UBR1: variants seen among roughly 807,000 people sequenced by gnomAD.
The protein encoded by UBR1 is E3 ubiquitin-protein ligase UBR1.
Under a neutral mutation model 242.1 loss-of-function variants are expected in UBR1, and 102 were observed. The ratio of observed to expected loss-of-function variants is 0.42; its 90% CI spans 0.36 to 0.50. The LOEUF is 0.50. UBR1 is among the 20% of genes least tolerant of loss of function. The pLI, the probability that UBR1 is intolerant of heterozygous loss-of-function variation, is 0.01. For synonymous variants in UBR1, 675 were observed against 684.8 expected, an observed-to-expected ratio of 0.99 and a Z score of 0.22; for missense variants, 1,772 against 2,101.8, an observed-to-expected ratio of 0.84 and a Z score of 3.07.
At chr15:43,017,222 T>C (rs753721270) in intron 27 of UBR1, 41 bp from the exon 28 acceptor site, 2 of 1,397,948 alleles carry the variant, frequency 1.4e-6, no homozygotes, top group East Asian at 2.3e-5. Context: ...TTAGTTAGAC[T>C]GTTAGACCGA....
intron 15 of UBR1, among the ~76,000 whole-genome samples, chr15:43,039,661 A>G (rs959008571): frequency 6.6e-6 from 1 of 152,142 alleles, no homozygotes; most frequent in African/African-American, 2.4e-5. Context: ...CTAACTGAAT[A>G]CACTTTATTT....
At position 42,950,362 on chromosome 15, in the gene UBR1, T is replaced by G. The variant is rs1274902485; in HGVS notation, c.5008A>C (p.Ile1670Leu). 6.2e-7 allele frequency: 1 copy of G among 1,613,578 alleles called. No individual in the cohort carries two copies. The highest frequency in any genetic ancestry group is 1.7e-5 in the Admixed American group (1 of 60,028). ...ACCAGGACCACTCGGCATTCTCTGA[T>G]TCTGAAAGAGAAAATCAATAGGAAA... is the stretch of plus-strand genomic sequence containing the variant. ...CGAGVCIFLK[I>L]RECRVVLVEG... Residue 1670 changes from isoleucine to leucine, a missense_variant and splice_region_variant, in exon 46 of 47, where the codon ATC becomes CTC. Transcript: ENST00000290650.
intron 28 of UBR1, among the ~76,000 whole-genome samples, chr15:43,016,307 T>C (rs1412713467): frequency 6.6e-6 from 1 of 152,218 alleles, no homozygotes; most frequent in Non-Finnish European, 1.5e-5. Flanking sequence ...ATTTGGTGCA[T>C]GTTAATTTTC....
At chr15:42,992,004 A>T (rs2032563719) in intron 33 of UBR1, among the ~76,000 whole-genome samples, 1 of 152,080 alleles carries the variant, frequency 6.6e-6, no homozygotes, top group African/African-American at 2.4e-5. Flanking sequence ...TTCCTGCCTG[A>T]ACCTCCCACA....
chr15:43,105,903 CG>C, intron 1 of UBR1, 38 bp downstream of exon 1: 1 of 1,570,120 alleles, frequency 6.4e-7, no homozygotes, highest in Non-Finnish European at 8.8e-7. Context: ...AGGGAGGGAC[CG>C]GGGGGAGGAC....
At chr15:43,075,585 C>A (rs1260241917) in intron 3 of UBR1, among the ~76,000 whole-genome samples, 2 of 152,006 alleles carry the variant, frequency 1.3e-5, no homozygotes, top group Non-Finnish European at 2.9e-5. Flanking sequence ...GCTATCCCTC[C>A]CCACTCCCCC....
In UBR1 at chr15:43,090,675, T is replaced by C. The variant is rs2034095852; in HGVS notation, c.82-4435A>G. On this transcript the variant is annotated intron_variant, in intron 1 of 46. Coordinates refer to ENST00000290650, the MANE Select transcript of UBR1 (RefSeq NM_174916.3). The stretch of plus-strand genomic sequence containing the variant: ...CAAACCAAACAAAAAATCTTACTGT[T>C]CTACTTAATTATAAGAGGCACAGAA... 2.0e-5 allele frequency among the ~76,000 whole-genome samples: 3 copies of C among 151,862 alleles called. No homozygotes were observed. In the South Asian group the frequency reaches 6.2e-4, roughly 31 times the overall value.
At chr15:42,971,295 G>A (rs2032203651) in intron 39 of UBR1, among the ~76,000 whole-genome samples, 2 of 152,106 alleles carry the variant, frequency 1.3e-5, no homozygotes, top group Admixed American at 1.3e-4. Context: ...CAAGCAAAGG[G>A]TCCCATAAAG....
intron 35 of UBR1, 40 bp from the exon 36 acceptor site, chr15:42,984,982 T>A: frequency 7.1e-7 from 1 of 1,399,382 alleles, no homozygotes; most frequent in Non-Finnish European, 1.0e-6. Flanking sequence ...AAATCCTGAA[T>A]AGTGCTATAA....
intron 6 of UBR1, among the ~76,000 whole-genome samples, chr15:43,060,470 C>T (rs2033670103): frequency 6.6e-6 from 1 of 152,138 alleles, no homozygotes; most frequent in East Asian, 1.9e-4. Flanking sequence ...TGAATGAATT[C>T]ACAGCTCTTC....
At chr15:43,072,213 A>C (rs1470449507) in intron 4 of UBR1, among the ~76,000 whole-genome samples, 1 of 152,164 alleles carries the variant, frequency 6.6e-6, no homozygotes, top group Non-Finnish European at 1.5e-5. Flanking sequence ...CTAAAAATCA[A>C]TCAATGTAAT....
chr15:43,023,831 A>C (rs2033143194), intron 25 of UBR1, among the ~76,000 whole-genome samples: 1 of 152,182 alleles, frequency 6.6e-6, no homozygotes, highest in Non-Finnish European at 1.5e-5. Flanking sequence ...CAAAAATGTA[A>C]AGGTATATAC....
At chr15:43,021,236 T>C (rs2033106616) in intron 27 of UBR1, 39 bp downstream of exon 27, 3 of 1,570,838 alleles carry the variant, frequency 1.9e-6, no homozygotes, top group East Asian at 4.5e-5. Context: ...TTCTTAAATA[T>C]TTAAACCAAG....
chr15:42,985,084 C>T, intron 35 of UBR1, 142 bp from the exon 36 acceptor site: 1 of 697,904 alleles, frequency 1.4e-6, no homozygotes, highest in South Asian at 2.8e-5. Flanking sequence ...TGTTTTAAGT[C>T]TATGCCAAAA....
intron 27 of UBR1, among the ~76,000 whole-genome samples, chr15:43,018,144 A>G (rs954069172): frequency 1.3e-5 from 2 of 151,478 alleles, no homozygotes; most frequent in South Asian, 2.1e-4. Context: ...CTAGGACTAC[A>G]GGTGCCCGCC....
intron 29 of UBR1, among the ~76,000 whole-genome samples, chr15:43,014,280 T>C (rs1028765777): frequency 7.2e-5 from 11 of 152,158 alleles, no homozygotes; most frequent in Non-Finnish European, 1.2e-4. Flanking sequence ...AGTGCCGAGA[T>C]TGCAGCCTCT....
chr15:43,001,093 CA>C (rs2032717164), intron 32 of UBR1, among the ~76,000 whole-genome samples: 1 of 151,540 alleles, frequency 6.6e-6, no homozygotes, highest in African/African-American at 2.4e-5. Flanking sequence ...CTCAGCCTCT[CA>C]AAGTGCTGGG....
intron 32 of UBR1, among the ~76,000 whole-genome samples, chr15:43,000,300 C>T (rs1457802302): frequency 6.6e-6 from 1 of 152,118 alleles, no homozygotes; most frequent in Non-Finnish European, 1.5e-5. Flanking sequence ...TTCTAAGAGA[C>T]CTTTAACTAG....
At chr15:43,001,177 CACAT>C (rs2032719076) in intron 32 of UBR1, among the ~76,000 whole-genome samples, 1 of 147,466 alleles carries the variant, frequency 6.8e-6, no homozygotes, top group Non-Finnish European at 1.5e-5. Context: ...GACGGAGTCT[CACAT>C]TGTTGCCCAG....
Sources: gnomAD v4.1 joint callset for allele counts (sites outside exome capture counted in the v4.1 genomes callset) on GRCh38, gnomAD v4.1.1 for gene constraint, MANE v1.5 for transcripts, NCBI Gene and HGNC (gene_info 2026-07-23, HGNC 2026-07-21) for gene names.